Variants in CFAP299 observed in about 807,000 individuals in gnomAD.
The protein encoded by CFAP299 is cilia- and flagella-associated protein 299.
In CFAP299, 21 loss-of-function variants were observed where a neutral mutation model predicts 27.0. The observed-to-expected ratio is 0.78, with a 90% CI of 0.55 to 1.12. The LOEUF (loss-of-function observed/expected upper bound fraction) is 1.12. Among genes scored for constraint, CFAP299 ranks in the 50% most tolerant of loss-of-function variants. The pLI, the probability that CFAP299 is intolerant of heterozygous loss-of-function variation, is 0.00. For missense variants in CFAP299, 310 were observed against 276.6 expected, an observed-to-expected ratio of 1.12 and a Z score of -0.86; for synonymous variants, 104 against 98.1, an observed-to-expected ratio of 1.06 and a Z score of -0.36.
At chr4:80,942,551 A>C (rs191213946) in intron 4 of CFAP299, among the ~76,000 whole-genome samples, 4 of 152,306 alleles carry the variant, frequency 2.6e-5, no homozygotes, top group Admixed American at 1.3e-4. Flanking sequence ...GCTTAGGAGA[A>C]CAAAAGTATT....
chr4:80,548,820 G>T (rs182176515), intron 2 of CFAP299, among the ~76,000 whole-genome samples: 1 of 151,968 alleles, frequency 6.6e-6, no homozygotes, highest in Middle Eastern at 3.2e-3. Flanking sequence ...ATTGTCTTTC[G>T]TGGAAATTGT....
chr4:80,322,330 A>G, the CFAP299 span, among the ~76,000 whole-genome samples: 1 of 152,108 alleles, frequency 6.6e-6, no homozygotes, highest in Non-Finnish European at 1.5e-5. Context: ...AACAACAACA[A>G]CCACAACAAT....
chr4:80,475,414 C>A lies in CFAP299; in HGVS notation c.243-107679C>A, dbSNP rs144776668. ...TTTGTGACAGGATGAGGAATGATTT[C>A]TTTGGAAATAGAGTGGCAGGACATA... is the stretch of plus-strand genomic sequence containing the variant. On this transcript the variant is annotated intron_variant, in intron 2 of 5. Coordinates refer to ENST00000358105, the MANE Select transcript of CFAP299 (RefSeq NM_152770.3). Among the ~76,000 whole-genome samples, 529 of 152,180 alleles carry A rather than the reference C, an allele frequency of 3.5e-3. 6 individuals carry two copies. The highest frequency in any genetic ancestry group is 0.012 in the African/African-American group (493 of 41,536).
At chr4:80,372,682 G>A (rs375916293) in intron 2 of CFAP299, among the ~76,000 whole-genome samples, 7 of 152,104 alleles carry the variant, frequency 4.6e-5, no homozygotes, top group African/African-American at 1.7e-4. Context: ...TTGAAAGCCA[G>A]GTACTACTCA....
chr4:80,916,296 T>TA (rs1578236267), intron 4 of CFAP299, among the ~76,000 whole-genome samples: 6 of 130,702 alleles, frequency 4.6e-5, no homozygotes, highest in East Asian at 2.2e-4. Flanking sequence ...TATATATATA[T>TA]TTCAGGTACA....
rs1330508774 is a variant in CFAP299 at position 80,662,247 on chromosome 4, G to A, written c.333+79064G>A. Among the ~76,000 whole-genome samples the A allele has an allele frequency of 3.3e-5, 5 of 151,920 alleles. No homozygotes were observed. In the East Asian group the frequency reaches 5.8e-4, roughly 18 times the overall value. On this transcript the variant is annotated intron_variant, in intron 3 of 5. Coordinates refer to ENST00000358105, the MANE Select transcript of CFAP299 (RefSeq NM_152770.3). Reference sequence around the variant, plus strand: ...ACTAATAAAAATTTGCTGGTTTTACGGCTCAGGGGGCATCACAGAACCAGC... The same window carrying A: ...ACTAATAAAAATTTGCTGGTTTTACAGCTCAGGGGGCATCACAGAACCAGC...
chr4:80,560,274 AACT>A (rs1002406014), intron 2 of CFAP299, among the ~76,000 whole-genome samples: 19 of 152,030 alleles, frequency 1.2e-4, no homozygotes, highest in Admixed American at 1.1e-3. Flanking sequence ...ATCACCTGCT[AACT>A]GAAGAGCCCC....
chr4:80,722,277 C>T (rs962586275), intron 3 of CFAP299, among the ~76,000 whole-genome samples: 2 of 151,736 alleles, frequency 1.3e-5, no homozygotes, highest in African/African-American at 4.8e-5. Flanking sequence ...ACTAGTCAGA[C>T]GTGGTGGCGC....
intron 2 of CFAP299, among the ~76,000 whole-genome samples, chr4:80,567,796 AAAG>A (rs1735383252): frequency 6.6e-6 from 1 of 151,162 alleles, no homozygotes; most frequent in Non-Finnish European, 1.5e-5. Context: ...AAAGTTGTTT[AAAG>A]TCTAGGAAAC....
At chr4:80,610,441 C>T (rs1333032972) in intron 3 of CFAP299, among the ~76,000 whole-genome samples, 3 of 152,046 alleles carry the variant, frequency 2.0e-5, no homozygotes, top group Non-Finnish European at 4.4e-5. Flanking sequence ...AGCCACTTCT[C>T]ATTTTTGTCT....
chr4:80,377,870 G>C (rs927831766), intron 2 of CFAP299, among the ~76,000 whole-genome samples: 4 of 152,256 alleles, frequency 2.6e-5, no homozygotes, highest in Admixed American at 2.6e-4. Context: ...TGGCTGGGGA[G>C]GCCTCTGAAT....
chr4:80,804,872 A>C (rs938870669), intron 3 of CFAP299, among the ~76,000 whole-genome samples: 5 of 152,136 alleles, frequency 3.3e-5, no homozygotes, highest in Non-Finnish European at 7.4e-5. Flanking sequence ...TTACATTTAA[A>C]GTAATTACTG....
intron 2 of CFAP299, among the ~76,000 whole-genome samples, chr4:80,490,295 A>T (rs1329940990): frequency 6.6e-6 from 1 of 152,188 alleles, no homozygotes; most frequent in Non-Finnish European, 1.5e-5. Flanking sequence ...AATTATGTGG[A>T]ATACTTTGAA....
At chr4:80,559,964 G>T (rs984167089) in intron 2 of CFAP299, among the ~76,000 whole-genome samples, 2 of 152,080 alleles carry the variant, frequency 1.3e-5, no homozygotes, top group Admixed American at 1.3e-4. Context: ...GTGGACTAAG[G>T]GATCACATAA....
chr4:80,709,627 G>A (rs527753122), intron 3 of CFAP299, among the ~76,000 whole-genome samples: 3 of 152,216 alleles, frequency 2.0e-5, no homozygotes, highest in East Asian at 1.9e-4. Flanking sequence ...AATGTAACAC[G>A]AACACCGATC....
chr4:80,799,928 T>TA (rs1728295216), intron 3 of CFAP299, among the ~76,000 whole-genome samples: 1 of 43,580 alleles, frequency 2.3e-5, no homozygotes, highest in Non-Finnish European at 3.7e-5. Context: ...ATATATATAT[T>TA]TATATATTAT....
At chr4:80,602,427 C>T (rs1737401844) in intron 3 of CFAP299, among the ~76,000 whole-genome samples, 2 of 151,766 alleles carry the variant, frequency 1.3e-5, no homozygotes, top group Admixed American at 1.3e-4. Context: ...AGGAAGAGTC[C>T]AAAATATGTA....
At chr4:80,746,744 T>G (rs975879156) in intron 3 of CFAP299, among the ~76,000 whole-genome samples, 4 of 152,046 alleles carry the variant, frequency 2.6e-5, no homozygotes, top group African/African-American at 9.7e-5. Context: ...GACAGCTGTT[T>G]CCATATATTT....
intron 3 of CFAP299, among the ~76,000 whole-genome samples, chr4:80,837,651 T>C (rs1730639749): frequency 6.6e-6 from 1 of 152,236 alleles, no homozygotes; most frequent in Admixed American, 6.5e-5. Flanking sequence ...TTCCATGGTG[T>C]ATATGTGCCA....
Sources: gnomAD v4.1 joint callset for allele counts (sites outside exome capture counted in the v4.1 genomes callset) on GRCh38, gnomAD v4.1.1 for gene constraint, MANE v1.5 for transcripts, NCBI Gene and HGNC (gene_info 2026-07-23, HGNC 2026-07-21) for gene names.